Variants in WDR11 observed in about 807,000 individuals in gnomAD.
The protein encoded by WDR11 is WD repeat-containing protein 11.
A neutral mutation model predicts 151.2 loss-of-function variants in WDR11; 83 were observed. That is an observed-to-expected ratio of 0.55 (90% CI 0.46 to 0.66). The LOEUF (loss-of-function observed/expected upper bound fraction) is 0.66, where lower values mean the gene tolerates loss of function less well. WDR11 is among the 30% of genes least tolerant of loss of function. The probability of loss-of-function intolerance (pLI) is 0.00; values close to 1 mark genes in which losing one functional copy is unlikely to be tolerated. For synonymous variants in WDR11, 484 were observed against 533.1 expected, an observed-to-expected ratio of 0.91 and a Z score of 1.27; for missense variants, 1,301 against 1,480.9, an observed-to-expected ratio of 0.88 and a Z score of 1.99.
At chr10:120,852,195 G>T (rs1845800420) in intron 1 of WDR11, 1 of 335,734 alleles carries the variant, frequency 3.0e-6, no homozygotes, top group Non-Finnish European at 5.7e-6. Context: ...GCACATTGTG[G>T]ATACTAAGGA....
chr10:120,862,079 T>C (rs1846158132), intron 4 of WDR11, among the ~76,000 whole-genome samples: 1 of 152,076 alleles, frequency 6.6e-6, no homozygotes, highest in South Asian at 2.1e-4. Flanking sequence ...AAGTATGGTT[T>C]TTTGTTTTTT....
rs1846635906 is a variant in WDR11 at position 120,873,869 on chromosome 10, A to G, written c.1502A>G (p.His501Arg). The G allele has an allele frequency of 1.2e-6, 2 of 1,613,206 alleles. No homozygotes were observed. The highest frequency in any genetic ancestry group is 1.3e-5 in the African/African-American group (1 of 74,904). ...GTSNGSVLVYHLTSGLLHKEL... is the reference protein window; with the variant it reads ...GTSNGSVLVYRLTSGLLHKEL... The stretch of plus-strand genomic sequence containing the variant: ...AGTAATGGTTCTGTCCTGGTGTACC[A>G]TCTCACCAGTGGTCTGCTACACAAA... Residue 501 changes from histidine (H) to arginine (R), a missense_variant, in exon 11 of 29, where the codon CAT becomes CGT. This residue lies in a region of WDR11 where 692 missense variants were observed against 762.5 expected (regional missense o/e 0.91). Coordinates refer to ENST00000263461, the MANE Select transcript of WDR11 (RefSeq NM_018117.12).
chr10:120,874,982 T>C (rs7894600), intron 11 of WDR11, among the ~76,000 whole-genome samples: 96,466 of 151,258 alleles, frequency 0.64, 31,750 homozygotes, highest in African/African-American at 0.81. Context: ...CAATCCCCGA[T>C]AGGCCCCAGT....
intron 2 of WDR11, among the ~76,000 whole-genome samples, chr10:120,856,433 G>T (rs1845946612): frequency 6.6e-6 from 1 of 151,990 alleles, no homozygotes; most frequent in South Asian, 2.1e-4. Context: ...AAATTAGCCA[G>T]GCGTGGTGGT....
At chr10:120,864,681 A>C (rs1232319256) in intron 5 of WDR11, among the ~76,000 whole-genome samples, 1 of 152,170 alleles carries the variant, frequency 6.6e-6, no homozygotes, top group East Asian at 1.9e-4. Context: ...TCTTGATTTT[A>C]ACAGTTTGCC....
At chr10:120,852,187 A>G in intron 1 of WDR11, 3 of 328,638 alleles carry the variant, frequency 9.1e-6, no homozygotes, top group Non-Finnish European at 1.7e-5. Context: ...ATCCCCAGGC[A>G]CATTGTGGAT....
At chr10:120,903,894 T>G in intron 23 of WDR11, 153 bp from the exon 24 acceptor site, 1 of 595,276 alleles carries the variant, frequency 1.7e-6, no homozygotes, top group Non-Finnish European at 2.9e-6. Context: ...GTTCAAATTC[T>G]TATTAAATGT....
intron 11 of WDR11, among the ~76,000 whole-genome samples, chr10:120,874,441 G>A (rs1846682299): frequency 6.6e-6 from 1 of 151,274 alleles, no homozygotes; most frequent in Non-Finnish European, 1.5e-5. Flanking sequence ...TGTGCAGAAT[G>A]CGTGCATTTG....
intron 12 of WDR11, chr10:120,880,603 G>T: frequency 2.1e-6 from 1 of 472,940 alleles, no homozygotes; most frequent in Admixed American, 3.4e-5. Flanking sequence ...AGGTTGCAGT[G>T]AGCCAAGATT....
chr10:120,903,242 T>C lies in WDR11; in HGVS notation c.2931+10T>C, dbSNP rs1195918096. On this transcript the variant is annotated intron_variant, in intron 23 of 28. Transcript: ENST00000263461. ...AAATGCCTACTTTCAGGTAGTCTGCTTCACACAGCAAAACCTTTAGAGCTG... is the reference window on the plus strand; with the variant it reads ...AAATGCCTACTTTCAGGTAGTCTGCCTCACACAGCAAAACCTTTAGAGCTG... 6.2e-7 allele frequency: 1 copy of C among 1,614,182 alleles called. No individual in the cohort carries two copies. Among genetic ancestry groups the C allele is most frequent in the East Asian group, 2.2e-5 (1 of 44,890 alleles).
At position 120,908,628 on chromosome 10, in the gene WDR11, T is replaced by A; in HGVS notation, c.3590T>A (p.Val1197Asp). The A allele has an allele frequency of 6.2e-7, 1 of 1,614,244 alleles. No homozygotes were observed. Among genetic ancestry groups the A allele is most frequent in the Non-Finnish European group, 8.5e-7 (1 of 1,180,036 alleles). ...LKNLGFKQGA[V>D]LFASKAGAAG... is the part of the protein sequence containing the mutation. The stretch of plus-strand genomic sequence containing the variant: ...AACCTCGGTTTTAAGCAGGGAGCAG[T>A]TCTCTTTGCTTCAAAAGCCGGAGCA... Residue 1197 changes from valine (V) to aspartate (D), a missense_variant, in exon 29 of 29, where the codon GTT becomes GAT. Coordinates refer to ENST00000263461, the MANE Select transcript of WDR11 (RefSeq NM_018117.12).
intron 4 of WDR11, among the ~76,000 whole-genome samples, chr10:120,861,525 A>G (rs1333064898): frequency 6.6e-6 from 1 of 152,192 alleles, no homozygotes; most frequent in African/African-American, 2.4e-5. Context: ...GAGTTCTGGA[A>G]CCTGAAAAGG....
chr10:120,905,470 A>G, intron 26 of WDR11, 54 bp downstream of exon 26: 1 of 1,581,740 alleles, frequency 6.3e-7, no homozygotes, highest in Non-Finnish European at 8.7e-7. Context: ...TAGAAAGCTC[A>G]GTCCTGAACT....
At chr10:120,861,219 T>G (rs1846124471) in intron 4 of WDR11, among the ~76,000 whole-genome samples, 1 of 152,182 alleles carries the variant, frequency 6.6e-6, no homozygotes, top group Non-Finnish European at 1.5e-5. Flanking sequence ...CCATCAACTT[T>G]TATTGAGGGG....
rs954718074 is a variant in WDR11, at chr10:120,890,764, A to C, written c.2392A>C (p.Ile798Leu). 30 of 1,614,066 alleles carry C rather than the reference A, an allele frequency of 1.9e-5. No homozygotes were observed. Among genetic ancestry groups the C allele is most frequent in the Non-Finnish European group, 2.5e-5 (30 of 1,180,040 alleles). The stretch of plus-strand genomic sequence containing the variant: ...AAGTGGCAGAAATGTGACCTTTCGT[A>C]TATTGGATGTGGACTGGTGTACGTC... ...LRSGRNVTFR[I>L]LDVDWCTSDK... The change falls in exon 19 of 29, where the codon ATA becomes CTA. Residue 798 changes from isoleucine to leucine, a missense_variant. This residue lies in a region of WDR11 where 589 missense variants were observed against 670.6 expected (regional missense o/e 0.88). Coordinates refer to ENST00000263461, the MANE Select transcript of WDR11 (RefSeq NM_018117.12).
intron 9 of WDR11, among the ~76,000 whole-genome samples, chr10:120,870,850 T>G (rs1230876425): frequency 6.6e-6 from 1 of 152,236 alleles, no homozygotes; most frequent in Non-Finnish European, 1.5e-5. Flanking sequence ...GCAAGTTCTC[T>G]TGCTTTGTTC....
rs1291951027 is a variant in WDR11, at chr10:120,908,542, T to TAACTA, written c.3518-13_3518-9dup. 2.5e-6 allele frequency: 4 copies of TAACTA among 1,614,048 alleles called. No homozygotes were observed. Among genetic ancestry groups the TAACTA allele is most frequent in the African/African-American group, 2.7e-5 (2 of 74,950 alleles). ...CAGCCCTTTTTACTCTTCTTTTCCT[T>TAACTA]AACTATGGTTTACAGAAACTCATCA... On this transcript the variant is annotated splice_polypyrimidine_tract_variant and intron_variant, in intron 28 of 28. Coordinates refer to ENST00000263461, the MANE Select transcript of WDR11 (RefSeq NM_018117.12).
intron 4 of WDR11, among the ~76,000 whole-genome samples, chr10:120,861,418 G>T (rs1846137762): frequency 6.6e-6 from 1 of 152,170 alleles, no homozygotes; most frequent in African/African-American, 2.4e-5. Context: ...TCACATAGGT[G>T]CAGTGCTGGG....
At chr10:120,896,810 G>A (rs1161347934) in intron 19 of WDR11, among the ~76,000 whole-genome samples, 2 of 152,162 alleles carry the variant, frequency 1.3e-5, no homozygotes, top group African/African-American at 4.8e-5. Flanking sequence ...TCCAGGGGTG[G>A]ATTTGGGTTG....
Sources: allele counts gnomAD v4.1 joint callset (sites outside exome capture counted in the v4.1 genomes callset), GRCh38; gene constraint gnomAD v4.1.1; regional missense constraint gnomAD v4.1.1; transcripts MANE v1.5; gene names NCBI Gene and HGNC (gene_info 2026-07-23, HGNC 2026-07-21).